The following DCC variants were observed in gnomAD, a reference collection of about 807,000 sequenced individuals.
DCC encodes the protein netrin receptor DCC.
Under a neutral mutation model 172.5 loss-of-function variants are expected in DCC, and 58 were observed. The ratio of observed to expected loss-of-function variants is 0.34; its 90% CI spans 0.27 to 0.42. DCC has a LOEUF of 0.42. DCC is among the 10% of genes least tolerant of loss of function. DCC has a pLI of 1.00. For synonymous variants in DCC, 709 were observed against 644.5 expected (o/e 1.10, Z -1.52); for missense variants, 1,740 against 1,791.0 (o/e 0.97, Z 0.51).
chr18:53,186,695 A>C (rs1352976554), intron 9 of DCC, among the ~76,000 whole-genome samples: 1 of 152,242 alleles, frequency 6.6e-6, no homozygotes, highest in East Asian at 1.9e-4. Flanking sequence ...AAATAAAATA[A>C]GGGCAGAAGT....
intron 1 of DCC, among the ~76,000 whole-genome samples, chr18:52,493,169 G>A (rs1250060872): frequency 6.6e-6 from 1 of 152,056 alleles, no homozygotes; most frequent in African/African-American, 2.4e-5. Context: ...TTGGAGAAAA[G>A]GATGTGTACA....
intron 7 of DCC, among the ~76,000 whole-genome samples, chr18:53,130,177 A>G (rs1478061839): frequency 6.6e-6 from 1 of 152,164 alleles, no homozygotes; most frequent in Non-Finnish European, 1.5e-5. Flanking sequence ...AGCACTAAAA[A>G]TATAATTGAA....
intron 27 of DCC, among the ~76,000 whole-genome samples, chr18:53,504,277 A>G (rs935575430): frequency 6.6e-6 from 1 of 152,182 alleles, no homozygotes; most frequent in African/African-American, 2.4e-5. Context: ...AGAATACCAC[A>G]CGAGTGTTCC....
At chr18:53,405,503 G>A (rs146306494) in intron 19 of DCC, among the ~76,000 whole-genome samples, 2 of 152,286 alleles carry the variant, frequency 1.3e-5, no homozygotes, top group East Asian at 1.9e-4. Flanking sequence ...GCACTGACAC[G>A]AATCGGCTAT....
At chr18:53,378,454 A>C (rs1394464) in intron 15 of DCC, among the ~76,000 whole-genome samples, 24,390 of 152,124 alleles carry the variant, frequency 0.16, 2,436 homozygotes, top group African/African-American at 0.27. Context: ...TTGAATGTGA[A>C]TATGCAAGTG....
intron 1 of DCC, among the ~76,000 whole-genome samples, chr18:52,736,436 G>A (rs2036731099): frequency 3.3e-5 from 5 of 152,048 alleles, no homozygotes; most frequent in Admixed American, 3.3e-4. Flanking sequence ...GGATCTTGCT[G>A]TATATAAGTG....
chr18:53,355,043 A>G (rs1414306823), intron 15 of DCC, among the ~76,000 whole-genome samples: 13 of 151,872 alleles, frequency 8.6e-5, no homozygotes, highest in Non-Finnish European at 1.8e-4. Flanking sequence ...TCCTTTCCCC[A>G]TTTCTTGTTT....
At chr18:52,806,427 GCCAGTGCTCA>G (rs2038084738) in intron 2 of DCC, among the ~76,000 whole-genome samples, 1 of 152,176 alleles carries the variant, frequency 6.6e-6, no homozygotes, top group Non-Finnish European at 1.5e-5. Flanking sequence ...TTACCATCAA[GCCAGTGCTCA>G]CCAAAATAGG....
rs186133558 is a variant in DCC, at chr18:52,998,033, T to G, written c.986-65272T>G. ...ATTTATCACCATATAGGCCTGTCTA[T>G]TCCATCAGACCTGTGCTGTCCAATG... On this transcript the variant is annotated intron_variant, in intron 5 of 28. Transcript: ENST00000442544. Among the ~76,000 whole-genome samples the G allele has an allele frequency of 2.1e-3, 314 of 152,212 alleles. 4 individuals carry two copies. Among genetic ancestry groups the G allele is most frequent in the East Asian group, 3.3e-3 (17 of 5,180 alleles).
At chr18:52,616,325 C>G (rs1015496476) in intron 1 of DCC, among the ~76,000 whole-genome samples, 1 of 151,750 alleles carries the variant, frequency 6.6e-6, no homozygotes, top group East Asian at 1.9e-4. Context: ...TTTGGTTAGA[C>G]GGGACTATCA....
chr18:52,660,462 T>C (rs1338586237), intron 1 of DCC, among the ~76,000 whole-genome samples: 2 of 152,112 alleles, frequency 1.3e-5, no homozygotes, highest in Non-Finnish European at 2.9e-5. Context: ...ATCAAGTCAC[T>C]TGTATGACTG....
intron 1 of DCC, among the ~76,000 whole-genome samples, chr18:52,409,699 C>G (rs1348022611): frequency 6.6e-6 from 1 of 152,062 alleles, no homozygotes; most frequent in African/African-American, 2.4e-5. Context: ...GGATAGAGAG[C>G]CTTCTTCACA....
chr18:52,404,977 A>G (rs1301713229), intron 1 of DCC, among the ~76,000 whole-genome samples: 2 of 151,728 alleles, frequency 1.3e-5, no homozygotes, highest in African/African-American at 2.4e-5. Context: ...CCATGTCCCT[A>G]CAAAGGACAT....
chr18:53,140,128 C>T (rs2043808406), intron 7 of DCC, among the ~76,000 whole-genome samples: 6 of 152,080 alleles, frequency 3.9e-5, no homozygotes, highest in Admixed American at 3.9e-4. Context: ...GAAGACAAAC[C>T]ATAATTCAGC....
At chr18:52,902,830 CAAAAA>C (rs552366778) in intron 2 of DCC, among the ~76,000 whole-genome samples, 33 of 152,226 alleles carry the variant, frequency 2.2e-4, no homozygotes, top group Admixed American at 1.1e-3. Flanking sequence ...CATTTAGAGA[CAAAAA>C]GAAAAGACTA....
chr18:53,087,622 C>A (rs2042934706), intron 7 of DCC, among the ~76,000 whole-genome samples: 1 of 152,136 alleles, frequency 6.6e-6, no homozygotes, highest in African/African-American at 2.4e-5. Context: ...TCCCATTTGT[C>A]AATTTTGGCT....
At chr18:53,437,035 C>T (rs1911985303) in intron 22 of DCC, among the ~76,000 whole-genome samples, 1 of 152,154 alleles carries the variant, frequency 6.6e-6, no homozygotes, top group South Asian at 2.1e-4. Context: ...CCAAAGCCTC[C>T]ACCTCTTAAT....
intron 5 of DCC, among the ~76,000 whole-genome samples, chr18:52,987,766 C>CT (rs1384602553): frequency 6.6e-6 from 1 of 152,162 alleles, no homozygotes; most frequent in Non-Finnish European, 1.5e-5. Context: ...TTTTTCTCCT[C>CT]TATTATTCTC....
intron 1 of DCC, among the ~76,000 whole-genome samples, chr18:52,541,225 C>T (rs749509317): frequency 1.3e-5 from 2 of 152,172 alleles, no homozygotes; most frequent in African/African-American, 2.4e-5. Context: ...TCTTGCCATT[C>T]TTGGCCACCT....
Sources: allele counts gnomAD v4.1 joint callset (sites outside exome capture counted in the v4.1 genomes callset), GRCh38; gene constraint gnomAD v4.1.1; transcripts MANE v1.5; gene names NCBI Gene and HGNC (gene_info 2026-07-23, HGNC 2026-07-21).